The following DNAH3 variants were observed in gnomAD, a reference collection of about 807,000 sequenced individuals.
DNAH3 encodes the protein axonemal beta dynein heavy chain 3.
DNAH3 carries 332 observed loss-of-function variants against 432.5 expected under a neutral mutation model. The ratio of observed to expected loss-of-function variants is 0.77; its 90% CI spans 0.70 to 0.84. The LOEUF is 0.84. Among genes scored for constraint, DNAH3 ranks in the 40% least tolerant of loss-of-function variants. The probability of loss-of-function intolerance (pLI) is 0.00; values close to 1 mark genes in which losing one functional copy is unlikely to be tolerated. For missense variants in DNAH3, 4,861 were observed against 5,114.0 expected, an observed-to-expected ratio of 0.95 and a Z score of 1.51; for synonymous variants, 1,956 against 1,900.2, an observed-to-expected ratio of 1.03 and a Z score of -0.76.
chr16:21,032,205 A>G (rs903252224), intron 36 of DNAH3, among the ~76,000 whole-genome samples: 5 of 152,130 alleles, frequency 3.3e-5, no homozygotes, highest in African/African-American at 1.2e-4. Context: ...AAAAATGAAA[A>G]GAACAGATCA....
chr16:21,145,943 C>A (rs1466333756), intron 2 of DNAH3, 41 bp downstream of exon 3: 2 of 1,319,174 alleles, frequency 1.5e-6, no homozygotes, highest in Non-Finnish European at 2.2e-6. Context: ...CACTTCACCT[C>A]CTCACCCTCA....
chr16:21,123,135 C>T (rs1175850364), intron 9 of DNAH3, among the ~76,000 whole-genome samples: 2 of 152,112 alleles, frequency 1.3e-5, no homozygotes, highest in Admixed American at 1.3e-4. Context: ...TAATCATAAT[C>T]CATATAACCC....
chr16:20,944,753 A>T, intron 57 of DNAH3, 90 bp from the exon 58 acceptor site: 1 of 1,197,518 alleles, frequency 8.4e-7, no homozygotes, highest in Non-Finnish European at 1.2e-6. Context: ...CAGAACAGGA[A>T]TCATACTGTA....
intron 5 of DNAH3, among the ~76,000 whole-genome samples, chr16:21,138,585 T>G (rs1597469999): frequency 6.6e-6 from 1 of 151,932 alleles, no homozygotes; most frequent in Non-Finnish European, 1.5e-5. Context: ...CTGAGGTGGG[T>G]GGATCATTCA....
At chr16:20,969,015 G>A (rs954530710) in intron 52 of DNAH3, among the ~76,000 whole-genome samples, 7 of 151,482 alleles carry the variant, frequency 4.6e-5, no homozygotes, top group South Asian at 2.1e-4. Context: ...CTCCCTTCAT[G>A]TCTTACTCTC....
At chr16:20,939,063 T>C (rs1184788055) in intron 59 of DNAH3, among the ~76,000 whole-genome samples, 1 of 152,180 alleles carries the variant, frequency 6.6e-6, no homozygotes, top group East Asian at 1.9e-4. Flanking sequence ...CCACGGCACC[T>C]GGCTTGCTGT....
Position 21,134,257 on chromosome 16 carries a change from A to ACT in DNAH3, c.1082_1082+1dup. ...TGAAAAAAAAAGGGAGGGACTTCTT[A>ACT]CTCTGCAAACCACAGTTCTTTCAGC... On this transcript the variant is annotated splice_donor_variant, in intron 7 of 61. Coordinates refer to ENST00000261383, the Ensembl canonical transcript of DNAH3. LOFTEE classifies it high-confidence loss of function. The ACT allele has an allele frequency of 6.2e-7, 1 of 1,605,416 alleles. No homozygotes were observed.
intron 7 of DNAH3, among the ~76,000 whole-genome samples, chr16:21,128,153 A>C (rs565768638): frequency 6.6e-6 from 1 of 152,146 alleles, no homozygotes; most frequent in East Asian, 1.9e-4. Flanking sequence ...TGGACGAATC[A>C]ATGTTCTTTA....
At chr16:21,122,723 T>C (rs2092369857) in intron 9 of DNAH3, among the ~76,000 whole-genome samples, 1 of 152,178 alleles carries the variant, frequency 6.6e-6, no homozygotes, top group Admixed American at 6.6e-5. Flanking sequence ...AAAACATTTC[T>C]TCCTTTGGGA....
chr16:20,975,846 G>A (rs1369429087), intron 50 of DNAH3, among the ~76,000 whole-genome samples: 1 of 152,098 alleles, frequency 6.6e-6, no homozygotes, highest in Non-Finnish European at 1.5e-5. Context: ...CTGGGTTCAA[G>A]CAATTCTCCT....
At chr16:21,096,739 A>G (rs2091693073) in intron 18 of DNAH3, among the ~76,000 whole-genome samples, 1 of 152,070 alleles carries the variant, frequency 6.6e-6, no homozygotes, top group African/African-American at 2.4e-5. Flanking sequence ...AAATTGCCTG[A>G]GCCAGTCATC....
chr16:21,134,194 T>G (rs1321082431), intron 7 of DNAH3, 65 bp downstream of exon 8: 4 of 1,511,928 alleles, frequency 2.6e-6, no homozygotes, highest in Non-Finnish European at 3.6e-6. Context: ...CACAGCAGAA[T>G]AGGCTTGCTT....
chr16:20,965,511 G>T, intron 52 of DNAH3, 86 bp from the exon 53 acceptor site: 1 of 1,218,158 alleles, frequency 8.2e-7, no homozygotes. Context: ...TGGTATTTGA[G>T]AAAAAACAAA....
intron 19 of DNAH3, among the ~76,000 whole-genome samples, chr16:21,084,688 G>A (rs1283939538): frequency 6.6e-6 from 1 of 151,910 alleles, no homozygotes; most frequent in Non-Finnish European, 1.5e-5. Context: ...GCCCAGGTTG[G>A]CCTCAAGCTC....
chr16:21,146,852 C>T (rs1436800708), intron 1 of DNAH3, among the ~76,000 whole-genome samples: 2 of 151,802 alleles, frequency 1.3e-5, no homozygotes, highest in African/African-American at 2.4e-5. Flanking sequence ...CCTCTGCCTC[C>T]GGGGGTCAAG....
exon 35 of DNAH3, chr16:21,036,767 T>G (rs1467854864): frequency 6.2e-7 from 1 of 1,614,034 alleles, no homozygotes; most frequent in East Asian, 2.2e-5. Context: ...ATCTTTTTGA[T>G]GTTATCATTC....
At chr16:20,940,511 C>T (rs937034747) in intron 59 of DNAH3, among the ~76,000 whole-genome samples, 3 of 151,892 alleles carry the variant, frequency 2.0e-5, no homozygotes, top group Non-Finnish European at 2.9e-5. Context: ...ACTGCCGCCT[C>T]GAGCTCCTGG....
intron 25 of DNAH3, among the ~76,000 whole-genome samples, chr16:21,060,850 T>A (rs12927212): frequency 0.24 from 31,413 of 130,436 alleles, 3,692 homozygotes; most frequent in East Asian, 0.48. Flanking sequence ...TTTTTTTTTA[T>A]AGAGAGAGAC....
chr16:20,976,985 T>C (rs2085622816), intron 50 of DNAH3, among the ~76,000 whole-genome samples: 1 of 152,248 alleles, frequency 6.6e-6, no homozygotes, highest in South Asian at 2.1e-4. Flanking sequence ...TGATGCTCTA[T>C]AAAACATTCC....
Sources: gnomAD v4.1 joint callset for allele counts (sites outside exome capture counted in the v4.1 genomes callset) on GRCh38, gnomAD v4.1.1 for gene constraint, MANE v1.5 for transcripts, NCBI Gene and HGNC (gene_info 2026-07-23, HGNC 2026-07-21) for gene names.